Variants in NPRL3 observed in about 807,000 individuals in gnomAD.
NPRL3 encodes GATOR1 complex protein NPRL3.
NPRL3 carries 23 observed loss-of-function variants against 57.2 expected under a neutral mutation model. The ratio of observed to expected loss-of-function variants is 0.40; its 90% CI spans 0.29 to 0.57. NPRL3 has a LOEUF of 0.57. NPRL3 is among the 20% of genes least tolerant of loss of function. The pLI, the probability that NPRL3 is intolerant of heterozygous loss-of-function variation, is 0.42. For synonymous variants in NPRL3, 333 were observed against 321.1 expected, an observed-to-expected ratio of 1.04 and a Z score of -0.39; for missense variants, 691 against 767.1, an observed-to-expected ratio of 0.90 and a Z score of 1.17.
intron 13 of NPRL3, among the ~76,000 whole-genome samples, chr16:88,238 G>A (rs187216241): frequency 5.9e-5 from 9 of 152,246 alleles, no homozygotes; most frequent in East Asian, 1.9e-4. Context: ...TAAATTAGCC[G>A]GGCGTGGTGG....
In NPRL3 at chr16:114,071, C is replaced by A. The variant is rs73478321; in HGVS notation, c.394-1296G>T. ...TATACAATTGCCTCAAAACAAAATA[C>A]CCACCTAGAAGAAGAATCTGTGTAC... On this transcript the variant is annotated intron_variant, in intron 5 of 13. Transcript: ENST00000611875. 9.6e-3 allele frequency among the ~76,000 whole-genome samples: 1,466 copies of A among 152,260 alleles called. 26 individuals carry two copies. Among genetic ancestry groups the A allele is most frequent in the African/African-American group, 0.029 (1,200 of 41,552 alleles).
At chr16:137,901 T>C (rs1209101911) in intron 2 of NPRL3, among the ~76,000 whole-genome samples, 1 of 152,102 alleles carries the variant, frequency 6.6e-6, no homozygotes, top group African/African-American at 2.4e-5. Context: ...CCCAAACTCA[T>C]TTTATTTTAT....
rs774948028 is a variant in NPRL3 at position 92,668 on chromosome 16, G to A, written c.1089C>T (p.Ser363=). The A allele has an allele frequency of 2.7e-5, 43 of 1,613,748 alleles. No individual in the cohort carries two copies. The highest frequency in any genetic ancestry group is 6.7e-5 in the African/African-American group (5 of 74,924). The change falls in exon 11 of 14, where the codon TCC becomes TCT. Residue 363 remains serine, a synonymous_variant. Coordinates refer to ENST00000611875, the MANE Select transcript of NPRL3 (RefSeq NM_001077350.3). ...CCGGCAAGGAGAACTTGGCAAGAACGGACGGCAGGTCATGAGATGGGAACT... is the reference window on the plus strand; with the variant it reads ...CCGGCAAGGAGAACTTGGCAAGAACAGACGGCAGGTCATGAGATGGGAACT... The part of the protein sequence containing the change: ...SHQFPSHDLP[S]VLAKFSLPVS...
In NPRL3 at chr16:92,733, C is replaced by A; in HGVS notation, c.1032-8G>T. The A allele has an allele frequency of 6.2e-7, 1 of 1,612,958 alleles. No homozygotes were observed. Among genetic ancestry groups the A allele is most frequent in the Non-Finnish European group, 8.5e-7 (1 of 1,179,498 alleles). On this transcript the variant is annotated splice_region_variant and splice_polypyrimidine_tract_variant and intron_variant, in intron 10 of 13. Transcript: ENST00000611875. ...TCGGCCAGCGGGGAGTACCTGCAGG[C>A]AGGTGAGCATGCCAGTGAGTGCAGC... is the stretch of plus-strand genomic sequence containing the variant.
chr16:131,159 A>AC (rs1785712696), intron 2 of NPRL3, among the ~76,000 whole-genome samples: 1 of 152,108 alleles, frequency 6.6e-6, no homozygotes, highest in Non-Finnish European at 1.5e-5. Flanking sequence ...ACATGGCGAA[A>AC]CCCCGTCTCT....
chr16:92,788 C>A, intron 10 of NPRL3, 63 bp from the exon 11 acceptor site: 1 of 1,592,148 alleles, frequency 6.3e-7, no homozygotes, highest in Non-Finnish European at 8.6e-7. Flanking sequence ...TCAACACTGG[C>A]CTCAGTGGGC....
At chr16:91,774 C>T (rs949948348) in intron 11 of NPRL3, among the ~76,000 whole-genome samples, 1 of 152,220 alleles carries the variant, frequency 6.6e-6, no homozygotes, top group Non-Finnish European at 1.5e-5. Context: ...AGATCTGGCA[C>T]TTACTCAGAT....
intron 5 of NPRL3, among the ~76,000 whole-genome samples, 162 bp from the exon 6 acceptor site, chr16:112,937 C>T (rs375975587): frequency 6.6e-6 from 1 of 152,342 alleles, no homozygotes; most frequent in African/African-American, 2.4e-5. Flanking sequence ...CACTGCTGCT[C>T]ATTTCCTGAG....
chr16:130,808 A>G (rs1284811771), intron 2 of NPRL3, among the ~76,000 whole-genome samples: 1 of 152,256 alleles, frequency 6.6e-6, no homozygotes, highest in Non-Finnish European at 1.5e-5. Context: ...CTTACAGTAT[A>G]TGAAATGTCT....
chr16:136,535 A>G (rs1901088135), intron 2 of NPRL3, among the ~76,000 whole-genome samples: 1 of 151,502 alleles, frequency 6.6e-6, no homozygotes, highest in Non-Finnish European at 1.5e-5. Flanking sequence ...TAAAAATAAA[A>G]AAAAAAATTA....
intron 7 of NPRL3, among the ~76,000 whole-genome samples, chr16:102,369 A>G (rs755437179): frequency 1.3e-5 from 2 of 152,084 alleles, no homozygotes; most frequent in Admixed American, 1.3e-4. Flanking sequence ...TCCAGGCAAC[A>G]GGGGGGATCT....
intron 4 of NPRL3, among the ~76,000 whole-genome samples, chr16:118,127 C>T (rs781635568): frequency 3.9e-5 from 6 of 152,184 alleles, no homozygotes; most frequent in Non-Finnish European, 7.4e-5. Flanking sequence ...GCTCATCAAC[C>T]GCCTCAGAAA....
In NPRL3 at chr16:86,754, G is replaced by A; in HGVS notation, c.1661C>T (p.Thr554Ile). The change falls in exon 14 of 14, where the codon ACC becomes ATC. Residue 554 changes from threonine to isoleucine, a missense_variant. By Grantham distance (89) the Thr-to-Ile change is moderately conservative. Transcript: ENST00000611875. ...FDKFRSVLVVTTHEDPVIAVF... is the reference protein window; with the variant it reads ...FDKFRSVLVVITHEDPVIAVF... ...GGCAATGACAGGGTCCTCGTGGGTG[G>A]TCACCACCAGCACGCTGCGGAACTT... The A allele has an allele frequency of 6.3e-7, 1 of 1,586,276 alleles. No individual in the cohort carries two copies. Among genetic ancestry groups the A allele is most frequent in the Non-Finnish European group, 8.6e-7 (1 of 1,167,568 alleles).
intron 11 of NPRL3, 61 bp from the exon 12 acceptor site, chr16:89,963 C>T: frequency 1.4e-6 from 2 of 1,470,262 alleles, no homozygotes; most frequent in South Asian, 1.3e-5. Context: ...CCTGGGTGAT[C>T]AGGGAGCCAT....
At chr16:92,882 A>G (rs1898824135) in intron 10 of NPRL3, 157 bp from the exon 11 acceptor site, 8 of 893,932 alleles carry the variant, frequency 8.9e-6, no homozygotes, top group Non-Finnish European at 1.4e-5. Flanking sequence ...CTCCAGGTGG[A>G]CAGAGCCTGG....
Position 130,538 on chromosome 16 carries a change from G to T in NPRL3, c.172C>A (p.Gln58Lys). Residue 58 changes from glutamine to lysine, a missense_variant, in exon 3 of 14, where the codon CAG becomes AAG. Physicochemically the swap from Gln to Lys is moderately conservative, Grantham distance 53. Transcript: ENST00000611875. ...AGCCTTTACCTGGAATCGCCGTCCT[G>T]CTCATCAGCATGGTCGCCCGTGTTG... is the stretch of plus-strand genomic sequence containing the variant. ...ASNTGDHADE[Q>K]DGDSRFSDVI... 1 of 1,553,328 alleles carries T rather than the reference G, an allele frequency of 6.4e-7. No homozygotes were observed.
At chr16:93,564 G>GTTT (rs34541011) in intron 9 of NPRL3, among the ~76,000 whole-genome samples, 20 of 135,450 alleles carry the variant, frequency 1.5e-4, no homozygotes, top group African/African-American at 4.1e-4. Context: ...GTGAGCAATG[G>GTTT]TTTTTTTTTT....
chr16:93,144 C>T, intron 10 of NPRL3, 75 bp downstream of exon 10: 2 of 958,544 alleles, frequency 2.1e-6, no homozygotes, highest in Non-Finnish European at 3.3e-6. Context: ...ACACAGAGAA[C>T]AGCATCTGGA....
At chr16:132,976 C>T (rs1438439601) in intron 2 of NPRL3, among the ~76,000 whole-genome samples, 1 of 151,844 alleles carries the variant, frequency 6.6e-6, no homozygotes, top group East Asian at 1.9e-4. Flanking sequence ...GCCCACCTTG[C>T]ACTTTTACGT....
Sources: gnomAD v4.1 joint callset for allele counts (sites outside exome capture counted in the v4.1 genomes callset) on GRCh38, gnomAD v4.1.1 for gene constraint, MANE v1.5 for transcripts, NCBI Gene and HGNC (gene_info 2026-07-23, HGNC 2026-07-21) for gene names.